DNAJC6: variants seen among roughly 807,000 people sequenced by gnomAD.
DNAJC6 encodes the protein auxilin.
A neutral mutation model predicts 110.0 loss-of-function variants in DNAJC6; 34 were observed. That is an observed-to-expected ratio of 0.31 (90% CI 0.24 to 0.41). The LOEUF is 0.41. Among genes scored for constraint, DNAJC6 ranks in the 10% least tolerant of loss-of-function variants. The pLI, the probability that DNAJC6 is intolerant of heterozygous loss-of-function variation, is 1.00. For synonymous variants in DNAJC6, 406 were observed against 437.2 expected, an observed-to-expected ratio of 0.93 and a Z score of 0.89; for missense variants, 1,031 against 1,207.8, an observed-to-expected ratio of 0.85 and a Z score of 2.17.
chr1:65,287,423 A>G (rs1389866451), intron 1 of DNAJC6, among the ~76,000 whole-genome samples: 1 of 152,164 alleles, frequency 6.6e-6, no homozygotes, highest in Non-Finnish European at 1.5e-5. Context: ...CTTCTTTAAA[A>G]GTCCTTCCTC....
At chr1:65,363,896 C>T (rs1467348718) in intron 1 of DNAJC6, among the ~76,000 whole-genome samples, 1 of 152,154 alleles carries the variant, frequency 6.6e-6, no homozygotes, top group Non-Finnish European at 1.5e-5. Flanking sequence ...GCACTAATAG[C>T]TGCCATGCAT....
At chr1:65,377,649 T>A (rs939154198) in intron 4 of DNAJC6, among the ~76,000 whole-genome samples, 1 of 152,066 alleles carries the variant, frequency 6.6e-6, no homozygotes, top group South Asian at 2.1e-4. Flanking sequence ...AGTTACAAAT[T>A]AACAAAAAAG....
intron 1 of DNAJC6, among the ~76,000 whole-genome samples, chr1:65,281,868 A>G (rs1653856903): frequency 6.6e-6 from 1 of 152,106 alleles, no homozygotes; most frequent in African/African-American, 2.4e-5. Flanking sequence ...TCGGCCTCCC[A>G]AAGTTCTGGG....
At chr1:65,348,952 A>G (rs1162538490) in intron 1 of DNAJC6, among the ~76,000 whole-genome samples, 3 of 145,554 alleles carry the variant, frequency 2.1e-5, no homozygotes, top group African/African-American at 7.5e-5. Context: ...GTGTGTATAT[A>G]TATAAATATA....
chr1:65,280,009 C>CT (rs143573480), intron 1 of DNAJC6: 4,028 of 154,028 alleles, frequency 0.026, 175 homozygotes, highest in African/African-American at 0.092. Flanking sequence ...AGTTTCCTCA[C>CT]TTTCAAAGTG....
At chr1:65,378,489 TG>T (rs1645788254) in intron 4 of DNAJC6, among the ~76,000 whole-genome samples, 1 of 152,218 alleles carries the variant, frequency 6.6e-6, no homozygotes, top group African/African-American at 2.4e-5. Context: ...TAGTATCCTG[TG>T]AGTTATGTAA....
Position 65,309,946 on chromosome 1 carries a change from T to G in DNAJC6, c.193+8T>G. 1.4e-6 allele frequency: 2 copies of G among 1,450,010 alleles called. No homozygotes were observed. The highest frequency in any genetic ancestry group is 9.1e-7 in the Non-Finnish European group (1 of 1,101,278). The allele number at this position is 1,450,010 out of a possible 1,614,324, so 89.8% of individuals were successfully genotyped here. A position where few individuals can be genotyped will look rare whatever the true frequency, so the allele number is the denominator to read the frequency against. ...GCACCATGGACAGCTCAGGTAGCGC[T>G]GCCCGAGGGGAGTGCAGCGCTGAGC... On this transcript the variant is annotated splice_region_variant and intron_variant, in intron 1 of 18. Transcript: ENST00000371069.
chr1:65,310,829 TAC>T (rs1299820333), intron 1 of DNAJC6, among the ~76,000 whole-genome samples: 1 of 152,206 alleles, frequency 6.6e-6, no homozygotes, highest in African/African-American at 2.4e-5. Flanking sequence ...GAGAATTGTT[TAC>T]AGAGATATTT....
intron 1 of DNAJC6, among the ~76,000 whole-genome samples, chr1:65,351,612 C>T (rs375388709): frequency 2.0e-5 from 3 of 152,008 alleles, no homozygotes; most frequent in Non-Finnish European, 4.4e-5. Flanking sequence ...TATGTGTATG[C>T]GTATATTTGC....
At chr1:65,406,519 A>G (rs1318358983) in intron 16 of DNAJC6, among the ~76,000 whole-genome samples, 1 of 152,210 alleles carries the variant, frequency 6.6e-6, no homozygotes, top group Non-Finnish European at 1.5e-5. Context: ...GATGGATCTT[A>G]AAGCTGTTAT....
intron 1 of DNAJC6, among the ~76,000 whole-genome samples, chr1:65,327,381 C>G: frequency 6.6e-6 from 1 of 152,070 alleles, no homozygotes; most frequent in Non-Finnish European, 1.5e-5. Context: ...GAATATGAAC[C>G]ATATCTATCA....
intron 1 of DNAJC6, among the ~76,000 whole-genome samples, chr1:65,352,112 CAATA>C (rs1339212507): frequency 6.6e-6 from 1 of 152,080 alleles, no homozygotes; most frequent in Non-Finnish European, 1.5e-5. Context: ...TTTCATGTGT[CAATA>C]AAGCTATTTT....
At chr1:65,300,043 CAAA>C (rs59681451) in intron 1 of DNAJC6, among the ~76,000 whole-genome samples, 3 of 112,040 alleles carry the variant, frequency 2.7e-5, no homozygotes, top group Non-Finnish European at 5.7e-5. Flanking sequence ...AACTCCATCT[CAAA>C]AAAAAAAAAA....
At chr1:65,281,526 T>G (rs973733587) in intron 1 of DNAJC6, among the ~76,000 whole-genome samples, 1 of 152,206 alleles carries the variant, frequency 6.6e-6, no homozygotes, top group African/African-American at 2.4e-5. Context: ...GTGGTCTGGC[T>G]GCCTTCACTT....
At chr1:65,316,997 T>C (rs1291225870) in intron 1 of DNAJC6, among the ~76,000 whole-genome samples, 1 of 152,154 alleles carries the variant, frequency 6.6e-6, no homozygotes, top group Non-Finnish European at 1.5e-5. Flanking sequence ...AATAGATGAC[T>C]TTCATCTATA....
At chr1:65,307,014 CTCTCTATATATA>C (rs1437037589), upstream of DNAJC6, among the ~76,000 whole-genome samples, 33 of 75,960 alleles carry the variant, frequency 4.3e-4, no homozygotes, top group East Asian at 5.3e-3. Context: ...CTCTCTCTCT[CTCTCTATATATA>C]TATATATATA....
intron 4 of DNAJC6, among the ~76,000 whole-genome samples, chr1:65,371,186 T>C (rs1201136312): frequency 6.6e-6 from 1 of 152,206 alleles, no homozygotes. Flanking sequence ...TGTAGTATAA[T>C]GGAGAGTGCA....
At chr1:65,397,995 T>G (rs1443294919) in intron 13 of DNAJC6, among the ~76,000 whole-genome samples, 1 of 152,072 alleles carries the variant, frequency 6.6e-6, no homozygotes, top group African/African-American at 2.4e-5. Flanking sequence ...AATAATTGAT[T>G]TGTGTGGGCA....
intron 1 of DNAJC6, among the ~76,000 whole-genome samples, chr1:65,329,034 TAGATA>T (rs1024615626): frequency 6.6e-6 from 1 of 152,174 alleles, no homozygotes; most frequent in African/African-American, 2.4e-5. Context: ...TAATTGCTCA[TAGATA>T]ATAAATAAAT....
Sources: gnomAD v4.1 joint callset for allele counts (sites outside exome capture counted in the v4.1 genomes callset) on GRCh38, gnomAD v4.1.1 for gene constraint, MANE v1.5 for transcripts, NCBI Gene and HGNC (gene_info 2026-07-23, HGNC 2026-07-21) for gene names.